Variants in PRPF8 observed in about 807,000 individuals in gnomAD.
PRPF8 encodes pre-mRNA-processing-splicing factor 8.
A neutral mutation model predicts 285.9 loss-of-function variants in PRPF8; 64 were observed. That is an observed-to-expected ratio of 0.22 (90% CI 0.18 to 0.28). PRPF8 has a LOEUF of 0.28. PRPF8 is among the 10% of genes least tolerant of loss of function. The pLI is 1.00. For synonymous variants in PRPF8, 1,325 were observed against 1,118.2 expected (o/e 1.18, Z -3.69); for missense variants, 1,426 against 3,026.7 (o/e 0.47, Z 12.41).
intron 37 of PRPF8, 46 bp from the exon 38 acceptor site, chr17:1,654,062 G>A (rs772978397): frequency 1.2e-6 from 2 of 1,613,780 alleles, no homozygotes; most frequent in Non-Finnish European, 1.7e-6. Flanking sequence ...CTTCCCCTTG[G>A]TCACTTCTGC....
intron 13 of PRPF8, 86 bp from the exon 14 acceptor site, chr17:1,677,780 G>T: frequency 6.5e-7 from 1 of 1,535,252 alleles, no homozygotes; most frequent in Non-Finnish European, 9.0e-7. Context: ...GGGCATATAT[G>T]TATAATATAC....
At chr17:1,665,207 G>A (rs1488956929) in intron 24 of PRPF8, among the ~76,000 whole-genome samples, 2 of 149,336 alleles carry the variant, frequency 1.3e-5, no homozygotes, top group Non-Finnish European at 3.0e-5. Flanking sequence ...AAGCAATGCT[G>A]AGAGGAAAAT....
At chr17:1,664,068 T>C (rs969017107) in intron 24 of PRPF8, among the ~76,000 whole-genome samples, 1 of 152,210 alleles carries the variant, frequency 6.6e-6, no homozygotes, top group African/African-American at 2.4e-5. Context: ...TCTTGCTCTG[T>C]TGCCCAGGCT....
Position 1,673,016 on chromosome 17 carries a change from A to G in PRPF8, c.3774+65T>C, listed in dbSNP as rs1597242748. The G allele has an allele frequency of 7.0e-7, 1 of 1,433,908 alleles. No individual in the cohort carries two copies. Among genetic ancestry groups the G allele is most frequent in the East Asian group, 2.3e-5 (1 of 44,008 alleles). 88.8% of individuals were successfully genotyped at this position (1,433,908 alleles called of 1,614,324 possible). On this transcript the variant is annotated intron_variant, in intron 24 of 42. Coordinates refer to ENST00000304992, the MANE Select transcript of PRPF8 (RefSeq NM_006445.4). The surrounding 1 kb of genome is among the most constrained non-coding windows in gnomAD (Gnocchi z 5.5). ...AGCAGCCAGCAGGGGACGAAGTGAA[A>G]GGGGTGTGAAATGAGCAGAGGACAG...
chr17:1,655,296 C>A, intron 37 of PRPF8, 54 bp downstream of exon 37: 1 of 1,601,728 alleles, frequency 6.2e-7, no homozygotes, highest in Non-Finnish European at 8.5e-7. Flanking sequence ...TTCCAAAAAA[C>A]CCCAGAAAAC....
chr17:1,684,426 C>CCCGCCCCGCCTCCGGCCCGCGCG, intron 2 of PRPF8, 46 bp downstream of exon 2: 3 of 1,605,914 alleles, frequency 1.9e-6, no homozygotes, highest in Middle Eastern at 1.7e-4. Flanking sequence ...CGCGCGCACA[C>CCCGCCCCGCCTCCGGCCCGCGCG]CCGCCCCGCC....
intron 14 of PRPF8, 139 bp downstream of exon 14, chr17:1,677,426 G>T: frequency 7.6e-7 from 1 of 1,315,848 alleles, no homozygotes; most frequent in Non-Finnish European, 1.1e-6. Flanking sequence ...AGAATACTAG[G>T]TCAGACTCAT....
chr17:1,681,045 G>A lies in PRPF8; in HGVS notation c.876C>T (p.Asp292=). 1 of 1,613,162 alleles carries A rather than the reference G, an allele frequency of 6.2e-7. No homozygotes were observed. The highest frequency in any genetic ancestry group is 8.5e-7 in the Non-Finnish European group (1 of 1,179,438). The part of the protein sequence containing the change: ...LVRDINLQDE[D]WNEFNDINKI... ...TGTTAATATCATTGAATTCATTCCAGTCTTCATCCCTAGGGTACAACATCA... is the reference window on the plus strand; with the variant it reads ...TGTTAATATCATTGAATTCATTCCAATCTTCATCCCTAGGGTACAACATCA... Residue 292 remains aspartate, a synonymous_variant, in exon 7 of 43, where the codon GAC becomes GAT. Transcript: ENST00000304992.
Position 1,680,613 on chromosome 17 carries a change from C to T in PRPF8, c.1098+113G>A, listed in dbSNP as rs9892486. 0.019 allele frequency: 17,916 copies of T among 962,548 alleles called. 1,245 individuals carry two copies. The African/African-American group carries it at 0.19, about 10-fold the overall frequency. The allele number at this position is 962,548 out of a possible 1,614,324, so 59.6% of individuals were successfully genotyped here. On this transcript the variant is annotated intron_variant, in intron 8 of 42. Transcript: ENST00000304992. The stretch of plus-strand genomic sequence containing the variant: ...ATATTCGCTTATAGCTCAAGGGGAA[C>T]ACTTAGCAAGACGGAAAACACATCT...
chr17:1,650,989 GGGCTCCT>G (rs1911016367), intron 42 of PRPF8, 33 bp from the exon 43 acceptor site: 1 of 1,614,178 alleles, frequency 6.2e-7, no homozygotes, highest in Non-Finnish European at 8.5e-7. Context: ...AATGTTAACA[GGGCTCCT>G]GCCTCATGCA....
Position 1,676,241 on chromosome 17 carries a change from T to C in PRPF8, c.2518A>G (p.Ile840Val). Residue 840 changes from isoleucine to valine, a missense_variant, in exon 17 of 43, where the codon ATC becomes GTC. Ile to Val is a conservative substitution (Grantham distance 29). Transcript: ENST00000304992. The surrounding 1 kb of genome is among the most constrained non-coding windows in gnomAD (Gnocchi z 6.3). ...LSYKHDTKLL[I>V]LALERLKEAY... ...TCCTTGAGCCGCTCCAATGCCAAGA[T>C]GAGCAACTTGGTGTCATGCTTATAG... 1 of 1,613,796 alleles carries C rather than the reference T, an allele frequency of 6.2e-7. No individual in the cohort carries two copies. Among genetic ancestry groups the C allele is most frequent in the South Asian group, 1.1e-5 (1 of 91,076 alleles).
In PRPF8 at chr17:1,650,863, T is replaced by G; in HGVS notation, c.6947A>C (p.Asn2316Thr). Residue 2316 changes from asparagine (N) to threonine (T), a missense_variant, in exon 43 of 43, where the codon AAC (asparagine) becomes ACC (threonine). Physicochemically the swap from Asn to Thr is moderately conservative, Grantham distance 65. Transcript: ENST00000304992. ...CTCCCCCTCCTGCAGGAGAGCAAAG[T>G]TGAGGAAGTGAGAGGGCCTGTGCAC... ...HEVHRPSHFL[N>T]FALLQEGEVY... 1 of 1,614,138 alleles carries G rather than the reference T, an allele frequency of 6.2e-7. No individual in the cohort carries two copies.
At chr17:1,680,260 G>T (rs1912834137) in intron 8 of PRPF8, among the ~76,000 whole-genome samples, 1 of 152,218 alleles carries the variant, frequency 6.6e-6, no homozygotes, top group Non-Finnish European at 1.5e-5. Flanking sequence ...GTAGATTAGT[G>T]GTTGCGTAAG....
chr17:1,673,604 G>A lies in PRPF8; in HGVS notation c.3447-37C>T. ...GAACACATGGTCACAGCAGTTTCTT[G>A]GAAGGAACTTCCCTTCAAAGGCCAA... On this transcript the variant is annotated intron_variant, in intron 22 of 42. Transcript: ENST00000304992. The surrounding 1 kb of genome is among the most constrained non-coding windows in gnomAD (Gnocchi z 5.5). 13 of 1,612,664 alleles carry A rather than the reference G, an allele frequency of 8.1e-6. No individual in the cohort carries two copies. Among genetic ancestry groups the A allele is most frequent in the East Asian group, 2.2e-5 (1 of 44,874 alleles).
Position 1,675,615 on chromosome 17 carries a change from T to C in PRPF8, c.2872+5A>G. On this transcript the variant is annotated splice_donor_5th_base_variant and intron_variant, in intron 19 of 42. Coordinates refer to ENST00000304992, the MANE Select transcript of PRPF8 (RefSeq NM_006445.4). The surrounding 1 kb of genome is among the most constrained non-coding windows in gnomAD (Gnocchi z 6.0). ...CCTCACAGGGCGATCTCATGAAAGT[T>C]CTACCTTGACACCACTTGTAAACAA... 1 of 1,614,120 alleles carries C rather than the reference T, an allele frequency of 6.2e-7. No homozygotes were observed. The highest frequency in any genetic ancestry group is 8.5e-7 in the Non-Finnish European group (1 of 1,180,014).
rs1912924099 is a variant in PRPF8, at chr17:1,681,532, A to G, written c.812T>C (p.Met271Thr). Residue 271 changes from methionine to threonine, a missense_variant, in exon 6 of 43, where the codon ATG becomes ACG. Transcript: ENST00000304992. ...AAATTTGGGGCCTCCAGGAATGGCC[A>G]TATTGAGTGCCTTGGACGTAAAGAA... ...KAFFTSKALN[M>T]AIPGGPKFEP... 6.2e-7 allele frequency: 1 copy of G among 1,613,174 alleles called. No individual in the cohort carries two copies. Among genetic ancestry groups the G allele is most frequent in the South Asian group, 1.1e-5 (1 of 91,056 alleles).
At position 1,651,750 on chromosome 17, in the gene PRPF8, G is replaced by A. The variant is rs770840756; in HGVS notation, c.6408C>T (p.Asn2136=). ...GYLYGVSPPD[N]PQVKEIRCIV... ...TGCAGCGGATCTCCTTCACCTGGGG[G>A]TTATCTGGTGGGCTCACCCCATATA... Residue 2136 remains asparagine, a synonymous_variant, in exon 40 of 43, where the codon AAC becomes AAT. Transcript: ENST00000304992. The surrounding 1 kb of genome is among the most constrained non-coding windows in gnomAD (Gnocchi z 5.1). 2.4e-5 allele frequency: 39 copies of A among 1,614,020 alleles called. 1 individual carries two copies. The highest frequency in any genetic ancestry group is 1.5e-4 in the South Asian group (14 of 91,092).
chr17:1,663,384 T>C (rs1238295805), intron 24 of PRPF8, among the ~76,000 whole-genome samples: 2 of 152,084 alleles, frequency 1.3e-5, no homozygotes, highest in South Asian at 2.1e-4. Context: ...TTGAGGTATT[T>C]AGACCATTTG....
intron 24 of PRPF8, among the ~76,000 whole-genome samples, chr17:1,671,022 CTCCATGAT>C: frequency 6.6e-6 from 1 of 152,270 alleles, no homozygotes; most frequent in Non-Finnish European, 1.5e-5. Flanking sequence ...GTGCGATGCC[CTCCATGAT>C]ATGGCTCTCC....
Sources: allele counts gnomAD v4.1 joint callset (sites outside exome capture counted in the v4.1 genomes callset), GRCh38; gene constraint gnomAD v4.1.1; non-coding constraint Gnocchi (gnomAD v3.1); transcripts MANE v1.5; gene names NCBI Gene and HGNC (gene_info 2026-07-23, HGNC 2026-07-21).